Variants in MALT1 observed in about 807,000 individuals in gnomAD.
MALT1 encodes MALT1 paracaspase, also known as mucosa-associated lymphoid tissue lymphoma translocation protein 1.
Under a neutral mutation model 85.5 loss-of-function variants are expected in MALT1, and 36 were observed. The observed-to-expected ratio is 0.42, with a 90% CI of 0.32 to 0.56. The LOEUF (loss-of-function observed/expected upper bound fraction) is 0.56, where lower values mean the gene tolerates loss of function less well. Ranked by LOEUF, MALT1 falls within the 20% of genes least tolerant of loss-of-function variation. The pLI is 0.10. For missense variants in MALT1, 716 were observed against 981.6 expected, an observed-to-expected ratio of 0.73 and a Z score of 3.62; for synonymous variants, 359 against 361.3, an observed-to-expected ratio of 0.99 and a Z score of 0.07.
In MALT1 at chr18:58,744,360, T is replaced by TA; in HGVS notation, c.1778dup (p.Phe594ValfsTer2). The TA allele has an allele frequency of 6.2e-7, 1 of 1,603,408 alleles. No homozygotes were observed. The highest frequency in any genetic ancestry group is 8.5e-7 in the Non-Finnish European group (1 of 1,174,616). On this transcript the variant is annotated frameshift_variant, in exon 15 of 17. Transcript: ENST00000649217. LOFTEE classifies it high-confidence loss of function. ...CAGAACTTCCAGAAAGTATGTGTCT[T>TA]AAGTTTGACTGTGGTGTTCAGATTC...
At chr18:58,745,540 TACCAAAATTCACGAGAG>T (rs2055354202) in intron 15 of MALT1, 109 bp from the exon 16 acceptor site, 1 of 738,238 alleles carries the variant, frequency 1.4e-6, no homozygotes, top group Non-Finnish European at 2.2e-6. Context: ...ATTTTGGGAT[TACCAAAATTCACGAGAG>T]GCCAGAATTC....
At chr18:58,709,629 G>A in intron 5 of MALT1, 73 bp downstream of exon 5, 2 of 1,246,086 alleles carry the variant, frequency 1.6e-6, no homozygotes, top group Non-Finnish European at 1.1e-6. Context: ...AATATAAGGT[G>A]AACATTAAAA....
At chr18:58,727,343 G>A (rs1002045032) in intron 10 of MALT1, among the ~76,000 whole-genome samples, 5 of 151,856 alleles carry the variant, frequency 3.3e-5, no homozygotes, top group African/African-American at 9.7e-5. Context: ...TTGCTCTGTC[G>A]CCCAGGCTGG....
intron 2 of MALT1, chr18:58,692,041 C>A: frequency 1.3e-5 from 1 of 78,304 alleles, no homozygotes. Flanking sequence ...GAGACTCCGT[C>A]TCAAAAAAAA....
rs1256150565 is a variant in MALT1 at position 58,710,058 on chromosome 18, T to C, written c.911T>C (p.Val304Ala). 6.2e-7 allele frequency: 1 copy of C among 1,608,220 alleles called. No homozygotes were observed. Among genetic ancestry groups the C allele is most frequent in the Non-Finnish European group, 8.5e-7 (1 of 1,175,194 alleles). The change falls in exon 6 of 17, where the codon GTA becomes GCA. Residue 304 changes from valine (V) to alanine (A), a missense_variant. Coordinates refer to ENST00000649217, the MANE Select transcript of MALT1 (RefSeq NM_006785.4). Reference protein sequence around the residue: ...NDRDSQDSKKVEIIIGRTDEA... With the variant: ...NDRDSQDSKKAEIIIGRTDEA... ...CGAGACAGTCAAGATAGCAAGAAGG[T>C]AGAAATCATCATAGGTAAGAAGTAT...
chr18:58,723,619 A>G (rs1346825591), intron 10 of MALT1, among the ~76,000 whole-genome samples: 1 of 152,182 alleles, frequency 6.6e-6, no homozygotes, highest in Non-Finnish European at 1.5e-5. Flanking sequence ...TGAGGGGGGT[A>G]GCATAAAAGG....
At position 58,751,308 on chromosome 18, in the gene MALT1, G is replaced by T. The variant is rs980567282; in HGVS notation, c.*3466G>T. 1.3e-5 allele frequency: 2 copies of T among 152,196 alleles called. No homozygotes were observed. Among genetic ancestry groups the T allele is most frequent in the Non-Finnish European group, 2.9e-5 (2 of 68,130 alleles). The allele number at this position is 152,196 out of a possible 1,614,324, so 9.4% of individuals were successfully genotyped here. On this transcript the variant is annotated 3_prime_UTR_variant, in exon 17 of 17. Coordinates refer to ENST00000649217, the MANE Select transcript of MALT1 (RefSeq NM_006785.4). The stretch of plus-strand genomic sequence containing the variant: ...TTAAAAATACAAAAAAATTAGCTGG[G>T]CATGGTGGCACACACCTGTAATCCC...
intron 7 of MALT1, 141 bp from the exon 8 acceptor site, chr18:58,713,942 T>A: frequency 1.9e-6 from 1 of 517,690 alleles, no homozygotes. Flanking sequence ...TTGCATGGCT[T>A]CTTCATTTAA....
At chr18:58,734,540 C>T in intron 12 of MALT1, 159 bp downstream of exon 12, 1 of 609,086 alleles carries the variant, frequency 1.6e-6, no homozygotes, top group Non-Finnish European at 3.0e-6. Flanking sequence ...CCTCCTGCCT[C>T]AGCCTTCTGA....
intron 10 of MALT1, 89 bp from the exon 11 acceptor site, chr18:58,733,308 A>T: frequency 1.2e-6 from 1 of 802,744 alleles, no homozygotes; most frequent in Non-Finnish European, 2.0e-6. Flanking sequence ...ATTAAAGTCA[A>T]GGTTTTTCTA....
At chr18:58,726,323 C>G (rs1427192561) in intron 10 of MALT1, among the ~76,000 whole-genome samples, 1 of 152,200 alleles carries the variant, frequency 6.6e-6, no homozygotes, top group Non-Finnish European at 1.5e-5. Flanking sequence ...TCAGACACAT[C>G]TACACTAAAT....
chr18:58,724,034 G>A (rs745315309), intron 10 of MALT1, among the ~76,000 whole-genome samples: 4 of 152,190 alleles, frequency 2.6e-5, no homozygotes, highest in Non-Finnish European at 5.9e-5. Context: ...GATTGCCAGG[G>A]AAGTGACATT....
intron 13 of MALT1, among the ~76,000 whole-genome samples, chr18:58,736,234 C>A (rs1469000241): frequency 6.6e-6 from 1 of 152,136 alleles, no homozygotes; most frequent in African/African-American, 2.4e-5. Flanking sequence ...AGGTGTTTGA[C>A]CAACTGTCAG....
intron 13 of MALT1, among the ~76,000 whole-genome samples, chr18:58,738,016 T>C: frequency 6.6e-6 from 1 of 152,224 alleles, no homozygotes. Context: ...ATTAGAAGTG[T>C]TGAACATACT....
In MALT1 at chr18:58,694,321, G is replaced by T. The variant is rs368675069; in HGVS notation, c.377-2045G>T. On this transcript the variant is annotated intron_variant, in intron 2 of 16. Coordinates refer to ENST00000649217, the MANE Select transcript of MALT1 (RefSeq NM_006785.4). ...AGTATCTTTGTGCTGTGACTTTCAT[G>T]AACATTATTTTTTTTCCTAGAAAGT... 3.0e-4 allele frequency among the ~76,000 whole-genome samples: 45 copies of T among 152,180 alleles called. No individual in the cohort carries two copies. The East Asian group carries it at 3.7e-3, about 12-fold the overall frequency.
At chr18:58,684,000 C>G (rs1020193403) in intron 2 of MALT1, among the ~76,000 whole-genome samples, 1 of 152,072 alleles carries the variant, frequency 6.6e-6, no homozygotes, top group Non-Finnish European at 1.5e-5. Context: ...GATATGATCT[C>G]GGCTCACTGC....
At chr18:58,741,182 G>GATTGGAT in intron 13 of MALT1, among the ~76,000 whole-genome samples, 2 of 152,044 alleles carry the variant, frequency 1.3e-5, no homozygotes, top group South Asian at 4.1e-4. Flanking sequence ...ATAACAGATT[G>GATTGGAT]TTTAAAATCC....
chr18:58,689,414 A>G (rs183671068), intron 2 of MALT1, among the ~76,000 whole-genome samples: 209 of 151,448 alleles, frequency 1.4e-3, no homozygotes, highest in Admixed American at 0.01. Context: ...TGCCTGGTGC[A>G]TGTAAAGCAG....
intron 6 of MALT1, 98 bp downstream of exon 6, chr18:58,710,170 C>A (rs2054813028): frequency 1.5e-6 from 1 of 656,388 alleles, no homozygotes; most frequent in Non-Finnish European, 2.6e-6. Flanking sequence ...ACTTTTTACC[C>A]CATACTATTT....
Sources: gnomAD v4.1 joint callset for allele counts (sites outside exome capture counted in the v4.1 genomes callset) on GRCh38, gnomAD v4.1.1 for gene constraint, MANE v1.5 for transcripts, NCBI Gene and HGNC (gene_info 2026-07-23, HGNC 2026-07-21) for gene names.